Variants in STK3 observed in about 807,000 individuals in gnomAD.
The protein encoded by STK3 is serine/threonine-protein kinase 3.
Under a neutral mutation model 58.0 loss-of-function variants are expected in STK3, and 41 were observed. The observed-to-expected ratio is 0.71, with a 90% CI of 0.55 to 0.92. STK3 has a LOEUF of 0.92. Ranked by LOEUF, STK3 falls within the 40% of genes least tolerant of loss-of-function variation. The pLI is 0.00. For synonymous variants in STK3, 170 were observed against 191.0 expected (o/e 0.89, Z 0.91); for missense variants, 479 against 602.7 (o/e 0.79, Z 2.15).
the STK3 span, among the ~76,000 whole-genome samples, chr8:98,360,917 A>G: frequency 1.3e-5 from 2 of 152,194 alleles, no homozygotes; most frequent in African/African-American, 2.4e-5. Context: ...GATTGCAAAA[A>G]CATTTTCCAG....
chr8:98,677,536 G>C (rs1439095833), intron 6 of STK3, among the ~76,000 whole-genome samples: 1 of 151,990 alleles, frequency 6.6e-6, no homozygotes, highest in Non-Finnish European at 1.5e-5. Flanking sequence ...GAAAGACAAA[G>C]GAGGAAGAGG....
chr8:98,867,193 A>C (rs1324806604), intron 3 of STK3, among the ~76,000 whole-genome samples: 1 of 152,156 alleles, frequency 6.6e-6, no homozygotes, highest in East Asian at 1.9e-4. Context: ...AGGTGGGTAG[A>C]TTGCTTGAGC....
At chr8:98,433,977 C>T (rs1041884259) in intron 3 of STK3, 1 of 152,202 alleles carries the variant, frequency 6.6e-6, no homozygotes, top group African/African-American at 2.4e-5. Flanking sequence ...AGATCCCATT[C>T]GACTTCAGGG....
intron 1 of STK3, among the ~76,000 whole-genome samples, chr8:98,919,830 C>T (rs1839488257): frequency 6.6e-6 from 1 of 151,964 alleles, no homozygotes; most frequent in South Asian, 2.1e-4. Flanking sequence ...GGACTGGGGA[C>T]CAGGAAGGGG....
At chr8:98,409,221 C>T (rs1278604194) in intron 3 of STK3, among the ~76,000 whole-genome samples, 4 of 152,156 alleles carry the variant, frequency 2.6e-5, no homozygotes, top group Non-Finnish European at 5.9e-5. Context: ...AATTCACCAG[C>T]CCATGAGATG....
At chr8:98,384,505 T>C (rs1204197327) in intron 1 of STK3, among the ~76,000 whole-genome samples, 1 of 152,216 alleles carries the variant, frequency 6.6e-6, no homozygotes, top group East Asian at 1.9e-4. Flanking sequence ...GTCAAGACCT[T>C]CCATCCAGTA....
At chr8:98,467,401 C>T (rs367885463) in intron 10 of STK3, among the ~76,000 whole-genome samples, 1 of 151,982 alleles carries the variant, frequency 6.6e-6, no homozygotes, top group Non-Finnish European at 1.5e-5. Flanking sequence ...TGGAGGGAGG[C>T]GGCTGGCTTC....
At chr8:98,768,811 T>C (rs1831109491) in intron 2 of STK3, among the ~76,000 whole-genome samples, 1 of 152,220 alleles carries the variant, frequency 6.6e-6, no homozygotes, top group Non-Finnish European at 1.5e-5. Context: ...AGAAACCATT[T>C]TTCTCCAGAT....
intron 3 of STK3, among the ~76,000 whole-genome samples, chr8:98,408,823 T>A (rs935759695): frequency 1.3e-5 from 2 of 152,244 alleles, no homozygotes; most frequent in Admixed American, 1.3e-4. Context: ...TCTAATCAAA[T>A]GAAACCTTCC....
At chr8:98,871,561 C>A (rs1837382202) in intron 3 of STK3, among the ~76,000 whole-genome samples, 1 of 152,112 alleles carries the variant, frequency 6.6e-6, no homozygotes, top group African/African-American at 2.4e-5. Flanking sequence ...TCCTTCATGT[C>A]CCTTGTAAGT....
intron 10 of STK3, among the ~76,000 whole-genome samples, chr8:98,488,099 G>A (rs1398499207): frequency 1.3e-5 from 2 of 152,176 alleles, no homozygotes; most frequent in Non-Finnish European, 2.9e-5. Context: ...GGCAGCACCT[G>A]TCTTTCTCTC....
chr8:98,401,384 G>A (rs1817942616), downstream of STK3: 3 of 152,206 alleles, frequency 2.0e-5, no homozygotes. Context: ...AATGATTATT[G>A]TTGTTTGATG....
rs150866132 is a variant in STK3 at position 98,717,894 on chromosome 8, T to G, written c.352-10583A>C. ...AAGGGAAGGCAATTCTGCAATATGCTACAACATGGCTGAACCTTGAGTACA... is the reference window on the plus strand; with the variant it reads ...AAGGGAAGGCAATTCTGCAATATGCGACAACATGGCTGAACCTTGAGTACA... On this transcript the variant is annotated intron_variant, in intron 4 of 10. Transcript: ENST00000419617. Among the ~76,000 whole-genome samples, 402 of 152,288 alleles carry G rather than the reference T, an allele frequency of 2.6e-3. 3 individuals are homozygous for G. Among genetic ancestry groups the G allele is most frequent in the African/African-American group, 9.4e-3 (390 of 41,564 alleles).
intron 1 of STK3, among the ~76,000 whole-genome samples, chr8:98,921,819 G>T (rs1839575995): frequency 6.6e-6 from 1 of 152,060 alleles, no homozygotes; most frequent in African/African-American, 2.4e-5. Flanking sequence ...AGCCTCCCAA[G>T]CACCTGGGAC....
intron 10 of STK3, 177 bp downstream of exon 10, chr8:98,526,565 C>CAAA (rs1825757498): frequency 4.5e-6 from 2 of 440,544 alleles, no homozygotes. Context: ...TTTCTATAAG[C>CAAA]AAGCTACAGT....
intron 10 of STK3, among the ~76,000 whole-genome samples, chr8:98,477,717 T>TG (rs1563642954): frequency 1.7e-4 from 1 of 6,048 alleles, no homozygotes; most frequent in Non-Finnish European, 2.8e-4. Context: ...GGGGGGGGGG[T>TG]GGGCGGGGGG....
chr8:98,654,588 T>C (rs565729923), intron 6 of STK3, among the ~76,000 whole-genome samples: 50 of 152,290 alleles, frequency 3.3e-4, no homozygotes, highest in African/African-American at 1.0e-3. Flanking sequence ...GAAAACCCCA[T>C]TGTGTTAGCC....
chr8:98,436,570 T>C (rs1019735674), intron 2 of STK3: 3 of 152,290 alleles, frequency 2.0e-5, no homozygotes, highest in African/African-American at 7.2e-5. Flanking sequence ...ATTGATTATT[T>C]ACTGGCAGCT....
At chr8:98,775,352 C>T (rs1009457684) in intron 1 of STK3, among the ~76,000 whole-genome samples, 3 of 152,248 alleles carry the variant, frequency 2.0e-5, no homozygotes, top group African/African-American at 2.4e-5. Flanking sequence ...AGATCCTCCC[C>T]AGCCCCCTTC....
Sources: allele counts gnomAD v4.1 joint callset (sites outside exome capture counted in the v4.1 genomes callset), GRCh38; gene constraint gnomAD v4.1.1; transcripts MANE v1.5; gene names NCBI Gene and HGNC (gene_info 2026-07-23, HGNC 2026-07-21).